The following FBRSL1 variants were observed in gnomAD, a reference collection of about 807,000 sequenced individuals.
FBRSL1 encodes the protein fibrosin like 1.
In FBRSL1, 51 loss-of-function variants were observed where a neutral mutation model predicts 89.6. The ratio of observed to expected loss-of-function variants is 0.57; its 90% CI spans 0.45 to 0.72. FBRSL1 has a LOEUF of 0.72. FBRSL1 is among the 30% of genes least tolerant of loss of function. FBRSL1 has a pLI of 0.00. For synonymous variants in FBRSL1, 779 were observed against 681.1 expected (o/e 1.14, Z -2.24); for missense variants, 1,618 against 1,451.8 (o/e 1.11, Z -1.86).
At chr12:132,549,753 C>T (rs911892056) in intron 5 of FBRSL1, among the ~76,000 whole-genome samples, 1 of 152,150 alleles carries the variant, frequency 6.6e-6, no homozygotes, top group African/African-American at 2.4e-5. Flanking sequence ...TAACTGCACG[C>T]CCCCCATGTC....
At chr12:132,518,943 A>C (rs568772281) in intron 2 of FBRSL1, among the ~76,000 whole-genome samples, 29 of 151,100 alleles carry the variant, frequency 1.9e-4, no homozygotes, top group African/African-American at 6.8e-4. Context: ...CTGTCCATCT[A>C]TCCACCCATG....
intron 9 of FBRSL1, 198 bp from the exon 10 acceptor site, chr12:132,572,090 G>T (rs1197014452): frequency 1.5e-5 from 9 of 591,750 alleles, no homozygotes; most frequent in Non-Finnish European, 2.7e-5. Context: ...AGAATGGCAG[G>T]GCCGCCCTGG....
At chr12:132,497,263 G>A (rs1301447250) in intron 1 of FBRSL1, among the ~76,000 whole-genome samples, 2 of 152,214 alleles carry the variant, frequency 1.3e-5, no homozygotes, top group African/African-American at 4.8e-5. Flanking sequence ...ATGGTTTGGG[G>A]TGGGGACACG....
intron 15 of FBRSL1, among the ~76,000 whole-genome samples, chr12:132,577,609 G>C (rs2040460113): frequency 6.6e-6 from 1 of 152,020 alleles, no homozygotes; most frequent in Non-Finnish European, 1.5e-5. Flanking sequence ...CCTGCCCTCA[G>C]TCACCCACTC....
intron 4 of FBRSL1, among the ~76,000 whole-genome samples, chr12:132,539,670 C>T (rs550195448): frequency 2.3e-5 from 3 of 128,832 alleles, no homozygotes; most frequent in South Asian, 2.8e-4. Context: ...CCGTCCAGCC[C>T]GATGCCCACC....
chr12:132,518,827 C>CGGGT (rs2073265808), intron 2 of FBRSL1, among the ~76,000 whole-genome samples: 2 of 149,288 alleles, frequency 1.3e-5, no homozygotes, highest in South Asian at 4.3e-4. Flanking sequence ...CCCATCTACC[C>CGGGT]GTCCATCCAT....
In FBRSL1 at chr12:132,570,491, G is replaced by A. The variant is rs761667670; in HGVS notation, c.1164G>A (p.Pro388=). Residue 388 remains proline, a synonymous_variant, in exon 8 of 19, where the codon CCG becomes CCA. Transcript: ENST00000680143. ...AMFAAPPTLP[P]PPALPASSLV... ...TTGCCGCACCCCCGACACTGCCCCC[G>A]CCCCCGGCGCTGCCGGCCAGCAGCC... The A allele has an allele frequency of 2.0e-5, 30 of 1,528,134 alleles. No individual in the cohort carries two copies. The highest frequency in any genetic ancestry group is 1.8e-4 in the Middle Eastern group (1 of 5,608). 94.7% of individuals were successfully genotyped at this position (1,528,134 alleles called of 1,614,324 possible).
intron 1 of FBRSL1, among the ~76,000 whole-genome samples, chr12:132,504,074 G>C (rs1007193721): frequency 5.3e-5 from 8 of 152,166 alleles, no homozygotes; most frequent in African/African-American, 1.9e-4. Context: ...GTGGGAAGCA[G>C]AGGGGCCTGC....
At chr12:132,569,252 C>G (rs1289952728) in intron 6 of FBRSL1, among the ~76,000 whole-genome samples, 2 of 151,228 alleles carry the variant, frequency 1.3e-5, no homozygotes, top group Admixed American at 6.6e-5. Context: ...GAGGGGCCCA[C>G]AGGACCTGCG....
intron 3 of FBRSL1, 50 bp downstream of exon 3, chr12:132,525,873 C>T: frequency 7.0e-7 from 1 of 1,424,160 alleles, no homozygotes; most frequent in Non-Finnish European, 9.6e-7. Context: ...GGGCCGCCTG[C>T]CCGCTGCGCC....
At chr12:132,528,895 T>C (rs1163537308) in intron 4 of FBRSL1, among the ~76,000 whole-genome samples, 1 of 152,182 alleles carries the variant, frequency 6.6e-6, no homozygotes, top group African/African-American at 2.4e-5. Context: ...CACATGTGCC[T>C]GGACTTGCTG....
At chr12:132,529,891 A>G (rs1040238415) in intron 4 of FBRSL1, among the ~76,000 whole-genome samples, 4 of 152,244 alleles carry the variant, frequency 2.6e-5, no homozygotes, top group East Asian at 1.9e-4. Context: ...TGCCTGCCCA[A>G]GGGCCCTCTT....
chr12:132,564,501 G>A (rs1031268994), intron 5 of FBRSL1, among the ~76,000 whole-genome samples: 15 of 151,546 alleles, frequency 9.9e-5, no homozygotes, highest in African/African-American at 3.1e-4. Context: ...CGCCCTCCAA[G>A]GTTTTTTTTT....
intron 5 of FBRSL1, chr12:132,551,342 G>A: frequency 2.2e-6 from 1 of 446,950 alleles, no homozygotes; most frequent in Non-Finnish European, 4.6e-6. Flanking sequence ...TGCTCCCGGT[G>A]GGCAGAAGAT....
At chr12:132,566,555 G>T (rs1038004938) in intron 5 of FBRSL1, 1 of 23,576 alleles carries the variant, frequency 4.2e-5, no homozygotes, top group African/African-American at 5.3e-4. Context: ...CCACATTCTC[G>T]CCACCTGCTT....
At chr12:132,568,468 G>C (rs1396953287) in intron 6 of FBRSL1, among the ~76,000 whole-genome samples, 3 of 152,268 alleles carry the variant, frequency 2.0e-5, no homozygotes, top group African/African-American at 7.2e-5. Flanking sequence ...ACGGGCCCCG[G>C]TAGGAGAGGC....
chr12:132,510,402 C>T, intron 2 of FBRSL1: 1 of 1,232,020 alleles, frequency 8.1e-7, no homozygotes, highest in Non-Finnish European at 1.0e-6. Context: ...ATCCTGTGCC[C>T]CCGGGATGGC....
intron 5 of FBRSL1, among the ~76,000 whole-genome samples, chr12:132,562,165 G>A (rs2039182812): frequency 6.6e-6 from 1 of 152,216 alleles, no homozygotes; most frequent in African/African-American, 2.4e-5. Context: ...GGGGCAGGGA[G>A]GTGGAGGCGG....
At chr12:132,496,840 T>C in intron 1 of FBRSL1, among the ~76,000 whole-genome samples, 1 of 140,934 alleles carries the variant, frequency 7.1e-6, no homozygotes, top group East Asian at 2.4e-4. Context: ...TCCCAGGCCC[T>C]GCGGTGTCCT....
Sources: gnomAD v4.1 joint callset for allele counts (sites outside exome capture counted in the v4.1 genomes callset) on GRCh38, gnomAD v4.1.1 for gene constraint, MANE v1.5 for transcripts, NCBI Gene and HGNC (gene_info 2026-07-23, HGNC 2026-07-21) for gene names.